The following EPHA5 variants were observed in gnomAD, a reference collection of about 807,000 sequenced individuals.
EPHA5 encodes ephrin type-A receptor 5.
In EPHA5, 60 loss-of-function variants were observed where a neutral mutation model predicts 105.0. The ratio of observed to expected loss-of-function variants is 0.57; its 90% CI spans 0.46 to 0.71. The LOEUF is 0.71. EPHA5 is among the 30% of genes least tolerant of loss of function. The pLI is 0.00. For synonymous variants in EPHA5, 513 were observed against 449.1 expected, an observed-to-expected ratio of 1.14 and a Z score of -1.80; for missense variants, 1,218 against 1,274.7, an observed-to-expected ratio of 0.96 and a Z score of 0.68.
intron 12 of EPHA5, among the ~76,000 whole-genome samples, chr4:65,352,257 T>G (rs1722888048): frequency 6.6e-6 from 1 of 151,928 alleles, no homozygotes; most frequent in Non-Finnish European, 1.5e-5. Flanking sequence ...GGAAGAAAAA[T>G]TTGACTTTTC....
At chr4:65,658,382 T>C (rs1286000133) in intron 1 of EPHA5, among the ~76,000 whole-genome samples, 2 of 152,028 alleles carry the variant, frequency 1.3e-5, no homozygotes, top group African/African-American at 4.8e-5. Flanking sequence ...TGGAGGACTA[T>C]TGAAAGGTTT....
rs192351167 is a variant in EPHA5, at chr4:65,550,791, A to T, written c.910+50850T>A. ...GGTGAGATTGCAGTGAGCCAACAGC[A>T]TGCCACTGCACTCCAGCCTGGGCGA... On this transcript the variant is annotated intron_variant, in intron 3 of 16. Coordinates refer to ENST00000613740, the MANE Select transcript of EPHA5 (RefSeq NM_001281766.3). Among the ~76,000 whole-genome samples the T allele has an allele frequency of 8.8e-4, 134 of 152,234 alleles. 3 individuals carry two copies. The East Asian group carries it at 0.023, about 27-fold the overall frequency.
intron 1 of EPHA5, among the ~76,000 whole-genome samples, chr4:65,660,622 C>T (rs1265726848): frequency 1.3e-5 from 2 of 152,054 alleles, no homozygotes; most frequent in East Asian, 3.9e-4. Context: ...TTGGATGTAC[C>T]TTTACATCTT....
At chr4:65,628,086 A>G (rs1746310923) in intron 2 of EPHA5, among the ~76,000 whole-genome samples, 1 of 151,940 alleles carries the variant, frequency 6.6e-6, no homozygotes, top group Non-Finnish European at 1.5e-5. Flanking sequence ...ATTTTATACC[A>G]CCTGAATTCA....
chr4:65,331,967 A>G lies in EPHA5; in HGVS notation c.2945+6T>C. ...TTATGTAAAAATTATCAGAAAAATT[A>G]CTCACTCCAAGGTCACCTGAGCCAC... On this transcript the variant is annotated splice_donor_region_variant and intron_variant, in intron 16 of 16. Coordinates refer to ENST00000613740, the MANE Select transcript of EPHA5 (RefSeq NM_001281766.3). 6.4e-7 allele frequency: 1 copy of G among 1,565,886 alleles called. No homozygotes were observed. Among genetic ancestry groups the G allele is most frequent in the Non-Finnish European group, 8.6e-7 (1 of 1,160,438 alleles).
chr4:65,547,122 A>G lies in EPHA5; in HGVS notation c.911-51579T>C, dbSNP rs1484764990. 7.2e-5 allele frequency among the ~76,000 whole-genome samples: 11 copies of G among 152,160 alleles called. No individual in the cohort carries two copies. In the East Asian group the frequency reaches 2.1e-3, roughly 29 times the overall value. Reference sequence around the variant, plus strand: ...ATGAATCAATGCAGAGAAAGAAGGAAAGAAAGAGGTCTGTGTAGGTGTTTG... The same window carrying G: ...ATGAATCAATGCAGAGAAAGAAGGAGAGAAAGAGGTCTGTGTAGGTGTTTG... On this transcript the variant is annotated intron_variant, in intron 3 of 16. Coordinates refer to ENST00000613740, the MANE Select transcript of EPHA5 (RefSeq NM_001281766.3).
At chr4:65,464,323 G>T (rs964842743) in intron 5 of EPHA5, among the ~76,000 whole-genome samples, 1 of 151,756 alleles carries the variant, frequency 6.6e-6, no homozygotes, top group African/African-American at 2.4e-5. Flanking sequence ...AATTACTGAC[G>T]TGCCTACAAA....
chr4:65,614,355 T>C (rs1209811957), intron 2 of EPHA5, among the ~76,000 whole-genome samples: 1 of 151,892 alleles, frequency 6.6e-6, no homozygotes, highest in Non-Finnish European at 1.5e-5. Flanking sequence ...CCAGTAAATC[T>C]AGTTATAGTA....
Position 65,574,637 on chromosome 4 carries a change from TATAC to T in EPHA5, c.910+27000_910+27003del, listed in dbSNP as rs1268886566. On this transcript the variant is annotated intron_variant, in intron 3 of 16. Coordinates refer to ENST00000613740, the MANE Select transcript of EPHA5 (RefSeq NM_001281766.3). The stretch of plus-strand genomic sequence containing the variant: ...ACATATATATATATACACATATATA[TATAC>T]ACATATATATACACATATATATATA... Among the ~76,000 whole-genome samples, 403 of 122,396 alleles carry T rather than the reference TATAC, an allele frequency of 3.3e-3. 8 individuals are homozygous for T. The highest frequency in any genetic ancestry group is 0.011 in the African/African-American group (384 of 34,182). The allele number at this position is 122,396 out of a possible 152,430, so 80.3% of individuals were successfully genotyped here. A position where few individuals can be genotyped will look rare whatever the true frequency, so the allele number is the denominator to read the frequency against.
intron 5 of EPHA5, among the ~76,000 whole-genome samples, chr4:65,428,643 A>G (rs1724682938): frequency 6.6e-6 from 1 of 152,090 alleles, no homozygotes; most frequent in Non-Finnish European, 1.5e-5. Flanking sequence ...AATAAAAAGA[A>G]TTTATAAACT....
chr4:65,401,937 G>A (rs1032733192), intron 8 of EPHA5, among the ~76,000 whole-genome samples: 4 of 151,874 alleles, frequency 2.6e-5, no homozygotes, highest in African/African-American at 7.3e-5. Flanking sequence ...GAGAGAAAGA[G>A]AGAGAGATAG....
chr4:65,410,024 A>T (rs192796734), intron 7 of EPHA5, among the ~76,000 whole-genome samples: 20 of 152,332 alleles, frequency 1.3e-4, no homozygotes, highest in Admixed American at 2.6e-4. Context: ...AATTAGATAT[A>T]CAATTACTAT....
intron 3 of EPHA5, among the ~76,000 whole-genome samples, chr4:65,539,739 A>G (rs192665722): frequency 6.6e-6 from 1 of 151,752 alleles, no homozygotes; most frequent in East Asian, 1.9e-4. Context: ...GATAATTCAG[A>G]TAATACTGCA....
At chr4:65,459,533 T>C (rs1727929956) in intron 5 of EPHA5, among the ~76,000 whole-genome samples, 2 of 151,826 alleles carry the variant, frequency 1.3e-5, no homozygotes, top group Admixed American at 6.6e-5. Context: ...TTTTACTGTG[T>C]CAGTGGTCTG....
chr4:65,467,282 A>G (rs544651053), intron 5 of EPHA5, among the ~76,000 whole-genome samples: 2 of 152,324 alleles, frequency 1.3e-5, no homozygotes, highest in African/African-American at 4.8e-5. Flanking sequence ...AGTCATTATG[A>G]TGATTAAAGG....
In EPHA5 at chr4:65,362,161, G is replaced by T. The variant is rs551172868; in HGVS notation, c.2173+2856C>A. Reference sequence around the variant, plus strand: ...AATAAATCACAGAAGGAATTTGAATGGGGGCTCAAGCTTCTGGCATGTGAT... The same window carrying T: ...AATAAATCACAGAAGGAATTTGAATTGGGGCTCAAGCTTCTGGCATGTGAT... On this transcript the variant is annotated intron_variant, in intron 11 of 16. Transcript: ENST00000613740. Among the ~76,000 whole-genome samples, 20 of 151,644 alleles carry T rather than the reference G, an allele frequency of 1.3e-4. 1 individual carries two copies. The South Asian group carries it at 2.1e-3, about 16-fold the overall frequency.
intron 5 of EPHA5, among the ~76,000 whole-genome samples, chr4:65,440,607 C>CTATGCTAT (rs1240364386): frequency 6.6e-6 from 1 of 151,090 alleles, no homozygotes; most frequent in Non-Finnish European, 1.5e-5. Context: ...AAAAAATACA[C>CTATGCTAT]TTCAATTAAA....
At chr4:65,622,448 C>A (rs764042056) in intron 2 of EPHA5, among the ~76,000 whole-genome samples, 1 of 152,032 alleles carries the variant, frequency 6.6e-6, no homozygotes, top group African/African-American at 2.4e-5. Context: ...ACTATTCAAG[C>A]GTTCTTGCCT....
intron 3 of EPHA5, among the ~76,000 whole-genome samples, chr4:65,522,354 A>T (rs1487871689): frequency 6.6e-6 from 1 of 150,564 alleles, no homozygotes; most frequent in Non-Finnish European, 1.5e-5. Flanking sequence ...GTTGCACCTG[A>T]CTTACTCAAA....
Sources: gnomAD v4.1 joint callset for allele counts (sites outside exome capture counted in the v4.1 genomes callset) on GRCh38, gnomAD v4.1.1 for gene constraint, MANE v1.5 for transcripts, NCBI Gene and HGNC (gene_info 2026-07-23, HGNC 2026-07-21) for gene names.